Variants in CRADD observed in about 807,000 individuals in gnomAD.
CRADD encodes the protein death domain-containing protein CRADD.
Under a neutral mutation model 15.5 loss-of-function variants are expected in CRADD, and 9 were observed. The ratio of observed to expected loss-of-function variants is 0.58; its 90% CI spans 0.35 to 1.01. The LOEUF (loss-of-function observed/expected upper bound fraction) is 1.01. Ranked by LOEUF, CRADD falls within the 50% of genes least tolerant of loss-of-function variation. The pLI, the probability that CRADD is intolerant of heterozygous loss-of-function variation, is 0.02. For synonymous variants in CRADD, 118 were observed against 107.6 expected, an observed-to-expected ratio of 1.10 and a Z score of -0.60; for missense variants, 227 against 250.3, an observed-to-expected ratio of 0.91 and a Z score of 0.63.
intron 2 of CRADD, among the ~76,000 whole-genome samples, chr12:93,738,931 A>G (rs1294311591): frequency 6.6e-6 from 1 of 152,174 alleles, no homozygotes; most frequent in Non-Finnish European, 1.5e-5. Context: ...TTTAAGGGGA[A>G]ACTTATCATT....
intron 2 of CRADD, among the ~76,000 whole-genome samples, chr12:93,784,703 T>C (rs1182579363): frequency 6.6e-6 from 1 of 152,068 alleles, no homozygotes; most frequent in Non-Finnish European, 1.5e-5. Flanking sequence ...CGAGTTGATA[T>C]TAGAACACAG....
At chr12:93,768,552 A>G (rs1043803594) in intron 2 of CRADD, among the ~76,000 whole-genome samples, 124 of 152,040 alleles carry the variant, frequency 8.2e-4, no homozygotes, top group African/African-American at 3.0e-3. Flanking sequence ...TTAACTTCTG[A>G]TCCTAAATGT....
rs11107209 is a variant in CRADD at position 93,838,671 on chromosome 12, C to T, written c.299-11299C>T. ...TCATATACTCACTCTTGTTCCCCCTCCCTCTCATAGATAAGGATAACTATT... is the reference window on the plus strand; with the variant it reads ...TCATATACTCACTCTTGTTCCCCCTTCCTCTCATAGATAAGGATAACTATT... On this transcript the variant is annotated intron_variant, in intron 2 of 2. Transcript: ENST00000332896. Among the ~76,000 whole-genome samples the T allele has an allele frequency of 1.2e-3, 175 of 152,008 alleles. 2 individuals carry two copies. In the East Asian group the frequency reaches 0.032, roughly 28 times the overall value.
chr12:93,822,880 A>G (rs1332791238), intron 2 of CRADD, among the ~76,000 whole-genome samples: 1 of 152,180 alleles, frequency 6.6e-6, no homozygotes, highest in Non-Finnish European at 1.5e-5. Context: ...TTTCTTTCAA[A>G]TCTCTGTGCA....
chr12:93,694,237 G>A (rs1027739001), intron 2 of CRADD, among the ~76,000 whole-genome samples: 3 of 151,760 alleles, frequency 2.0e-5, no homozygotes, highest in Non-Finnish European at 4.4e-5. Flanking sequence ...CATCTCAATA[G>A]TTGCAGAAAA....
At chr12:93,752,968 G>A (rs1956844536) in intron 2 of CRADD, among the ~76,000 whole-genome samples, 1 of 152,160 alleles carries the variant, frequency 6.6e-6, no homozygotes, top group Non-Finnish European at 1.5e-5. Context: ...AAAACCATCA[G>A]ATCTTGTGAG....
chr12:93,854,205 C>T (rs1378164986), downstream of CRADD, among the ~76,000 whole-genome samples: 4 of 147,262 alleles, frequency 2.7e-5, no homozygotes, highest in African/African-American at 5.0e-5. Context: ...TGGGCTCTCT[C>T]GTGTATCTGT....
chr12:93,788,328 A>G (rs1307967423), intron 2 of CRADD, among the ~76,000 whole-genome samples: 1 of 152,200 alleles, frequency 6.6e-6, no homozygotes, highest in Non-Finnish European at 1.5e-5. Flanking sequence ...TATTACGAGA[A>G]CAGGATGGAG....
chr12:93,850,408 G>A lies in CRADD; in HGVS notation c.*137G>A, dbSNP rs1958204564. 2 of 1,391,332 alleles carry A rather than the reference G, an allele frequency of 1.4e-6. No individual in the cohort carries two copies. The highest frequency in any genetic ancestry group is 1.9e-6 in the Non-Finnish European group (2 of 1,080,086). 86.2% of individuals were successfully genotyped at this position (1,391,332 alleles called of 1,614,324 possible). ...ATCTTCAGATGGAAGGAGAAAACAGGGTTTCCACTAGACATTACTTGAAAG... is the reference window on the plus strand; with the variant it reads ...ATCTTCAGATGGAAGGAGAAAACAGAGTTTCCACTAGACATTACTTGAAAG... On this transcript the variant is annotated 3_prime_UTR_variant, in exon 3 of 3. Coordinates refer to ENST00000332896, the MANE Select transcript of CRADD (RefSeq NM_003805.5). The surrounding 1 kb of genome is among the most constrained non-coding windows in gnomAD (Gnocchi z 4.0).
chr12:93,850,335 A>G lies in CRADD; in HGVS notation c.*64A>G. The G allele has an allele frequency of 6.6e-7, 1 of 1,512,572 alleles. No homozygotes were observed. The highest frequency in any genetic ancestry group is 8.8e-7 in the Non-Finnish European group (1 of 1,134,586). The allele number at this position is 1,512,572 out of a possible 1,614,324, so 93.7% of individuals were successfully genotyped here. ...TCATGTGGGCTGAATCCTGACTTTC[A>G]CTCAGAGCAGGTGGTTTTTTGTGTA... On this transcript the variant is annotated 3_prime_UTR_variant, in exon 3 of 3. Coordinates refer to ENST00000332896, the MANE Select transcript of CRADD (RefSeq NM_003805.5). This position sits in a 1 kb window ranked among gnomAD's most constrained non-coding sequence, Gnocchi z 4.0.
intron 2 of CRADD, chr12:93,708,480 A>G (rs1463946689): frequency 1.3e-5 from 2 of 152,248 alleles, no homozygotes; most frequent in African/African-American, 2.4e-5. Flanking sequence ...CCATGGAAGT[A>G]TAGGCATTTG....
chr12:93,779,595 T>TA lies in CRADD; in HGVS notation c.299-70375_299-70374insA, dbSNP rs967061379. Among the ~76,000 whole-genome samples the TA allele has an allele frequency of 6.7e-5, 10 of 150,110 alleles. No homozygotes were observed. In the South Asian group the frequency reaches 1.5e-3, roughly 22 times the overall value. ...GAATGAGGAAAAAGAAAGAACCTTT[T>TA]TTTTTTTTTTTTGAGACAGAGTCTC... On this transcript the variant is annotated intron_variant, in intron 2 of 2. Coordinates refer to ENST00000332896, the MANE Select transcript of CRADD (RefSeq NM_003805.5).
At chr12:93,879,466 C>T (rs1958479842) in intron 2 of CRADD, among the ~76,000 whole-genome samples, 1 of 152,170 alleles carries the variant, frequency 6.6e-6, no homozygotes, top group Non-Finnish European at 1.5e-5. Flanking sequence ...AACTGGTCTC[C>T]TTTCCTCACC....
chr12:93,691,175 G>A (rs1375521797), intron 2 of CRADD, among the ~76,000 whole-genome samples: 1 of 151,650 alleles, frequency 6.6e-6, no homozygotes, highest in African/African-American at 2.4e-5. Flanking sequence ...TCATGTGCCA[G>A]TCACAATTCA....
chr12:93,817,602 A>T (rs7305941), intron 2 of CRADD, among the ~76,000 whole-genome samples: 23,754 of 151,586 alleles, frequency 0.16, 2,076 homozygotes, highest in Middle Eastern at 0.29. Flanking sequence ...CCTCTTCTTC[A>T]TGACATATTT....
At chr12:93,894,103 A>G (rs1285831677) in exon 3 of CRADD, 1 of 702,468 alleles carries the variant, frequency 1.4e-6, no homozygotes, top group Non-Finnish European at 2.6e-6. Context: ...TTCACAGCTC[A>G]CCTGGAGATT....
intron 2 of CRADD, among the ~76,000 whole-genome samples, chr12:93,816,910 G>A (rs1026002206): frequency 2.0e-5 from 3 of 152,214 alleles, no homozygotes; most frequent in South Asian, 2.1e-4. Context: ...ATGCGACGAC[G>A]TAGCAGGGTT....
chr12:93,893,024 C>G (rs922942995), intron 2 of CRADD, among the ~76,000 whole-genome samples: 1 of 152,184 alleles, frequency 6.6e-6, no homozygotes, highest in African/African-American at 2.4e-5. Flanking sequence ...GACAAGGTCC[C>G]CAAGACGGGA....
intron 2 of CRADD, among the ~76,000 whole-genome samples, chr12:93,862,202 C>G (rs759227768): frequency 1.3e-5 from 2 of 152,172 alleles, no homozygotes; most frequent in Admixed American, 1.3e-4. Context: ...GCCATCAGCA[C>G]GTCCACCAGG....
Sources: allele counts gnomAD v4.1 joint callset (sites outside exome capture counted in the v4.1 genomes callset), GRCh38; gene constraint gnomAD v4.1.1; non-coding constraint Gnocchi (gnomAD v3.1); transcripts MANE v1.5; gene names NCBI Gene and HGNC (gene_info 2026-07-23, HGNC 2026-07-21).